LDHC: variants seen among roughly 807,000 people sequenced by gnomAD.
LDHC encodes the protein L-lactate dehydrogenase C chain.
In LDHC, 20 loss-of-function variants were observed where a neutral mutation model predicts 30.2. That is an observed-to-expected ratio of 0.66 (90% CI 0.47 to 0.96). The LOEUF is 0.96. Ranked by LOEUF, LDHC falls within the 40% of genes least tolerant of loss-of-function variation. The probability of loss-of-function intolerance (pLI) is 0.00; values close to 1 mark genes in which losing one functional copy is unlikely to be tolerated. For missense variants in LDHC, 362 were observed against 394.9 expected (o/e 0.92, Z 0.71); for synonymous variants, 139 against 132.7 (o/e 1.05, Z -0.32).
In LDHC at chr11:18,438,620, A is replaced by C. The variant is rs1312009699; in HGVS notation, c.685A>C (p.Asn229His). The C allele has an allele frequency of 6.2e-7, 1 of 1,601,888 alleles. No homozygotes were observed. Among genetic ancestry groups the C allele is most frequent in the Admixed American group, 1.7e-5 (1 of 59,990 alleles). The change falls in exon 6 of 8, where the codon AAT becomes CAT. Residue 229 changes from asparagine (N) to histidine (H), a missense_variant. By Grantham distance (68) the Asn-to-His change is moderately conservative. Coordinates refer to ENST00000541669, the MANE Select transcript of LDHC (RefSeq NM_017448.5). ...GTDSDKEHWK[N>H]IHKQVIQSAY... Reference sequence around the variant, plus strand: ...GGATTCAGATAAGGAACACTGGAAAAATATCCATAAACAAGTTATTCAAAG... The same window carrying C: ...GGATTCAGATAAGGAACACTGGAAACATATCCATAAACAAGTTATTCAAAG...
At chr11:18,446,110 T>A in intron 6 of LDHC, 100 bp from the exon 7 acceptor site, 1 of 959,436 alleles carries the variant, frequency 1.0e-6, no homozygotes, top group Non-Finnish European at 1.6e-6. Flanking sequence ...TACAATTGCA[T>A]TGACATGTAG....
intron 2 of LDHC, among the ~76,000 whole-genome samples, chr11:18,413,911 A>T (rs77724297): frequency 0.12 from 18,565 of 152,286 alleles, 1,156 homozygotes; most frequent in Admixed American, 0.16. Context: ...AAAAAGACGA[A>T]ATATTGTTCA....
Position 18,450,859 on chromosome 11 carries a change from G to A in LDHC, c.835-104G>A. On this transcript the variant is annotated intron_variant, in intron 7 of 7. Transcript: ENST00000541669. ...CTCTGCCACCCTCTGAGCGATTCTT[G>A]TTGAATGCTTTAGTCTCTCCTGTAT... 4 of 805,842 alleles carry A rather than the reference G, an allele frequency of 5.0e-6. No individual in the cohort carries two copies. In the Admixed American group the frequency reaches 1.3e-4, roughly 26 times the overall value. The allele number at this position is 805,842 out of a possible 1,614,324, so 49.9% of individuals were successfully genotyped here. A position where few individuals can be genotyped will look rare whatever the true frequency, so the allele number is the denominator to read the frequency against.
At chr11:18,427,658 A>C (rs1848184768) in intron 3 of LDHC, among the ~76,000 whole-genome samples, 1 of 148,794 alleles carries the variant, frequency 6.7e-6, no homozygotes, top group Non-Finnish European at 1.5e-5. Context: ...TAAAGCTAGT[A>C]AAGATGATTT....
rs1848655983 is a variant in LDHC at position 18,451,547 on chromosome 11, T to C, written c.*420T>C. ...TCATTACATTAGCGTCATATGTTTA[T>C]GTATAATCATTATAAATGTGGCCGG... On this transcript the variant is annotated 3_prime_UTR_variant, in exon 8 of 8. Coordinates refer to ENST00000541669, the MANE Select transcript of LDHC (RefSeq NM_017448.5). 6.6e-6 allele frequency: 1 copy of C among 152,450 alleles called. No individual in the cohort carries two copies. Among genetic ancestry groups the C allele is most frequent in the African/African-American group, 2.4e-5 (1 of 41,468 alleles). The allele number at this position is 152,450 out of a possible 1,614,324, so 9.4% of individuals were successfully genotyped here.
rs1337737906 is a variant in LDHC, at chr11:18,415,813, C to A, written c.244+512C>A. 1.3e-5 allele frequency among the ~76,000 whole-genome samples: 2 copies of A among 152,070 alleles called. 1 individual carries two copies. Among genetic ancestry groups the A allele is most frequent in the South Asian group, 4.1e-4 (2 of 4,826 alleles). ...GTTCAAGCAATTTTCTTGCCTCAGT[C>A]TCCTGAATAGCTGGGATTACAGGCA... On this transcript the variant is annotated intron_variant, in intron 3 of 7. Coordinates refer to ENST00000541669, the MANE Select transcript of LDHC (RefSeq NM_017448.5).
At chr11:18,444,390 C>G (rs909034586) in intron 6 of LDHC, among the ~76,000 whole-genome samples, 115 of 151,866 alleles carry the variant, frequency 7.6e-4, no homozygotes, top group Non-Finnish European at 1.6e-3. Context: ...AACTCATAGA[C>G]AGTATGCTGT....
At chr11:18,440,621 T>G (rs1848447806) in intron 6 of LDHC, among the ~76,000 whole-genome samples, 1 of 151,992 alleles carries the variant, frequency 6.6e-6, no homozygotes, top group Admixed American at 6.6e-5. Context: ...GATGATAAAT[T>G]TTACCGTAGT....
chr11:18,412,977 CCCTCCCTCCCTT>C (rs1416272941), intron 2 of LDHC, 134 bp downstream of exon 2: 12 of 429,644 alleles, frequency 2.8e-5, no homozygotes, highest in Middle Eastern at 4.9e-4. Context: ...CTCCCTCCCT[CCCTCCCTCCCTT>C]CCTTCCTTCC....
intron 3 of LDHC, among the ~76,000 whole-genome samples, chr11:18,423,247 T>C (rs1444568301): frequency 6.6e-6 from 1 of 152,090 alleles, no homozygotes; most frequent in Non-Finnish European, 1.5e-5. Context: ...TGAAGTGATA[T>C]TCCTTGTTCA....
chr11:18,433,598 T>G (rs1165505663), intron 4 of LDHC, among the ~76,000 whole-genome samples: 2 of 152,174 alleles, frequency 1.3e-5, no homozygotes, highest in African/African-American at 4.8e-5. Context: ...TGATAATTGT[T>G]TTGTTTGAGG....
rs35064545 is a variant in LDHC at position 18,426,029 on chromosome 11, A to ATT, written c.245-3694_245-3693dup. Among the ~76,000 whole-genome samples the ATT allele has an allele frequency of 3.9e-3, 519 of 133,996 alleles. 6 individuals are homozygous for ATT. The highest frequency in any genetic ancestry group is 0.015 in the African/African-American group (501 of 33,560). 87.9% of individuals were successfully genotyped at this position (133,996 alleles called of 152,430 possible). A position where few individuals can be genotyped will look rare whatever the true frequency, so the allele number is the denominator to read the frequency against. On this transcript the variant is annotated intron_variant, in intron 3 of 7. Transcript: ENST00000541669. ...GATGGAACATCGTTGATTAGCCACA[A>ATT]TTTTTTTTTTTTTTTACTTTTTAGT... is the stretch of plus-strand genomic sequence containing the variant.
intron 2 of LDHC, among the ~76,000 whole-genome samples, chr11:18,414,365 A>G (rs1243061998): frequency 6.6e-6 from 1 of 152,200 alleles, no homozygotes; most frequent in African/African-American, 2.4e-5. Flanking sequence ...ACTGAAACAT[A>G]TGGAATGGGT....
chr11:18,429,707 T>C (rs1309897482), intron 3 of LDHC, 30 bp from the exon 4 acceptor site: 2 of 1,404,686 alleles, frequency 1.4e-6, no homozygotes, highest in East Asian at 4.6e-5. Context: ...GTAATGTTGA[T>C]CCAAATATAG....
intron 3 of LDHC, among the ~76,000 whole-genome samples, chr11:18,424,745 C>T (rs1367882139): frequency 1.3e-5 from 2 of 152,138 alleles, no homozygotes; most frequent in East Asian, 1.9e-4. Context: ...TGGTGGCTGA[C>T]GCCTGTAATC....
intron 7 of LDHC, chr11:18,450,669 G>A (rs545052184): frequency 1.6e-5 from 4 of 245,164 alleles, no homozygotes; most frequent in East Asian, 1.1e-4. Context: ...ATGAAAGACC[G>A]CATGGCATCC....
rs1848647012 is a variant in LDHC at position 18,451,020 on chromosome 11, A to C, written c.892A>C (p.Asn298His). ...FLSIPCVLGR[N>H]GVSDVVKINL... ...CAGTATCCCTTGTGTCTTGGGGCGG[A>C]ATGGTGTCTCAGATGTTGTGAAAAT... Residue 298 changes from asparagine to histidine, a missense_variant, in exon 8 of 8, where the codon AAT becomes CAT. By Grantham distance (68) the Asn-to-His change is moderately conservative. Transcript: ENST00000541669. 1 of 1,597,100 alleles carries C rather than the reference A, an allele frequency of 6.3e-7. No homozygotes were observed. The highest frequency in any genetic ancestry group is 1.1e-5 in the South Asian group (1 of 87,160).
At chr11:18,439,831 A>ACC (rs1364601494) in intron 6 of LDHC, among the ~76,000 whole-genome samples, 1 of 142,264 alleles carries the variant, frequency 7.0e-6, no homozygotes, top group African/African-American at 2.6e-5. Context: ...AAAAAAAAAA[A>ACC]AAAAACAAAA....
intron 3 of LDHC, 47 bp from the exon 4 acceptor site, chr11:18,429,690 G>T: frequency 8.7e-7 from 1 of 1,144,922 alleles, no homozygotes; most frequent in South Asian, 1.4e-5. Context: ...AAGGCACAGT[G>T]GTTATGGTAA....
Sources: allele counts gnomAD v4.1 joint callset (sites outside exome capture counted in the v4.1 genomes callset), GRCh38; gene constraint gnomAD v4.1.1; transcripts MANE v1.5; gene names NCBI Gene and HGNC (gene_info 2026-07-23, HGNC 2026-07-21).